ACOXL: variants seen among roughly 807,000 people sequenced by gnomAD.
The protein encoded by ACOXL is acyl-coenzyme A oxidase-like protein.
A neutral mutation model predicts 71.9 loss-of-function variants in ACOXL; 70 were observed. That is an observed-to-expected ratio of 0.97 (90% CI 0.80 to 1.19). The LOEUF is 1.19. Among genes scored for constraint, ACOXL ranks in the 50% most tolerant of loss-of-function variants. The pLI is 0.00. For synonymous variants in ACOXL, 253 were observed against 281.6 expected (o/e 0.90, Z 1.02); for missense variants, 703 against 736.3 (o/e 0.95, Z 0.52).
intron 1 of ACOXL, among the ~76,000 whole-genome samples, chr2:110,764,187 AC>A (rs1348763640): frequency 6.6e-6 from 1 of 152,214 alleles, no homozygotes; most frequent in Non-Finnish European, 1.5e-5. Flanking sequence ...TGGAAAACTT[AC>A]GTGCACACAG....
intron 17 of ACOXL, among the ~76,000 whole-genome samples, chr2:111,097,692 A>T (rs1323620301): frequency 6.6e-6 from 1 of 152,236 alleles, no homozygotes; most frequent in Non-Finnish European, 1.5e-5. Context: ...GCCAACTGAG[A>T]GAGCTCCTTC....
intron 10 of ACOXL, among the ~76,000 whole-genome samples, chr2:110,903,251 C>A (rs572598960): frequency 4.6e-5 from 7 of 152,354 alleles, no homozygotes; most frequent in Admixed American, 2.6e-4. Flanking sequence ...CGCGGCCCCC[C>A]CAGAGGCTGC....
intron 16 of ACOXL, among the ~76,000 whole-genome samples, chr2:111,088,509 TC>T (rs1232789446): frequency 6.6e-6 from 1 of 152,202 alleles, no homozygotes; most frequent in Non-Finnish European, 1.5e-5. Flanking sequence ...GAGCCCATTA[TC>T]CTTAACAAGC....
In ACOXL at chr2:111,003,550, C is replaced by CAAAAAAAAAAAAAAAAA. The variant is rs548001377; in HGVS notation, c.1281+7559_1281+7575dup. ...TGGGCGACAGGGCGAGACTCTGTCT[C>CAAAAAAAAAAAAAAAAA]AAAAAAAAAAAAAAAAAAAAAAAAA... On this transcript the variant is annotated intron_variant, in intron 14 of 17. Transcript: ENST00000439055. Among the ~76,000 whole-genome samples the CAAAAAAAAAAAAAAAAA allele has an allele frequency of 6.5e-4, 23 of 35,332 alleles. 2 individuals carry two copies. Among genetic ancestry groups the CAAAAAAAAAAAAAAAAA allele is most frequent in the East Asian group, 1.8e-3 (3 of 1,648 alleles). The allele number at this position is 35,332 out of a possible 152,430, so 23.2% of individuals were successfully genotyped here. A position where few individuals can be genotyped will look rare whatever the true frequency, so the allele number is the denominator to read the frequency against.
intron 12 of ACOXL, among the ~76,000 whole-genome samples, chr2:110,984,908 T>A (rs2062861367): frequency 6.6e-6 from 1 of 152,204 alleles, no homozygotes. Context: ...GCACTTGCTT[T>A]CCAGGCTGCC....
At chr2:110,755,478 A>G (rs188686361) in intron 1 of ACOXL, among the ~76,000 whole-genome samples, 5 of 152,378 alleles carry the variant, frequency 3.3e-5, no homozygotes, top group Non-Finnish European at 5.9e-5. Flanking sequence ...CAGAAAATAC[A>G]CAACTATGCA....
At chr2:110,980,451 A>G (rs764032379) in intron 12 of ACOXL, among the ~76,000 whole-genome samples, 2 of 152,178 alleles carry the variant, frequency 1.3e-5, no homozygotes, top group Admixed American at 6.5e-5. Context: ...AAGAGACCCC[A>G]AGAAGGGAGA....
intron 13 of ACOXL, among the ~76,000 whole-genome samples, chr2:110,990,124 C>G (rs1487483744): frequency 6.6e-6 from 1 of 152,138 alleles, no homozygotes; most frequent in Non-Finnish European, 1.5e-5. Context: ...TGCAAACCTG[C>G]TGAAAGTTTC....
At chr2:111,030,610 G>C (rs558008016) in intron 14 of ACOXL, among the ~76,000 whole-genome samples, 1 of 152,032 alleles carries the variant, frequency 6.6e-6, no homozygotes, top group African/African-American at 2.4e-5. Context: ...CGCAGAAACC[G>C]CAGAGCTGCA....
chr2:111,036,855 G>A (rs2065542206), intron 15 of ACOXL: 2 of 152,122 alleles, frequency 1.3e-5, no homozygotes, highest in Non-Finnish European at 1.5e-5. Context: ...GGAGGGAGGC[G>A]CCTGGTGAAA....
intron 1 of ACOXL, among the ~76,000 whole-genome samples, chr2:110,768,137 ATAATAT>A (rs1415743844): frequency 2.6e-5 from 4 of 152,122 alleles, no homozygotes; most frequent in African/African-American, 9.7e-5. Flanking sequence ...ATCTCAAATA[ATAATAT>A]TAATAAGAAG....
chr2:110,784,701 A>G (rs1287281049), intron 2 of ACOXL, 31 bp from the exon 3 acceptor site: 2 of 1,516,884 alleles, frequency 1.3e-6, no homozygotes, highest in Non-Finnish European at 1.8e-6. Context: ...ACCATAAGGA[A>G]ACCTTGATAC....
chr2:110,783,620 C>G (rs1301726202), intron 2 of ACOXL, among the ~76,000 whole-genome samples: 1 of 152,176 alleles, frequency 6.6e-6, no homozygotes, highest in Non-Finnish European at 1.5e-5. Context: ...CACAGACACA[C>G]ACACACACTT....
intron 9 of ACOXL, among the ~76,000 whole-genome samples, chr2:110,832,294 T>C (rs987350254): frequency 6.6e-6 from 1 of 151,978 alleles, no homozygotes; most frequent in Non-Finnish European, 1.5e-5. Context: ...ATCCCAGCAC[T>C]TTGGGAGGCC....
chr2:110,935,175 TG>T (rs1424857063), intron 12 of ACOXL, among the ~76,000 whole-genome samples: 1 of 152,096 alleles, frequency 6.6e-6, no homozygotes, highest in Non-Finnish European at 1.5e-5. Context: ...GGGGCACTGC[TG>T]GGGGCCCTGA....
chr2:110,809,088 A>G (rs1311917923), intron 9 of ACOXL, among the ~76,000 whole-genome samples: 1 of 152,160 alleles, frequency 6.6e-6, no homozygotes, highest in Non-Finnish European at 1.5e-5. Context: ...ACCAGCCCCC[A>G]CTGCCGGGTC....
chr2:111,025,254 C>T (rs1558882664), intron 14 of ACOXL, among the ~76,000 whole-genome samples: 1 of 152,144 alleles, frequency 6.6e-6, no homozygotes, highest in Non-Finnish European at 1.5e-5. Context: ...CGCACTGCTT[C>T]CCGTGTTGGC....
intron 12 of ACOXL, among the ~76,000 whole-genome samples, chr2:110,985,011 A>G (rs1206306377): frequency 1.3e-5 from 2 of 152,196 alleles, no homozygotes; most frequent in African/African-American, 2.4e-5. Flanking sequence ...AAGCTGTGGG[A>G]GTGGGAATCA....
At chr2:111,078,933 G>A (rs139860529) in intron 16 of ACOXL, among the ~76,000 whole-genome samples, 10 of 152,226 alleles carry the variant, frequency 6.6e-5, no homozygotes, top group East Asian at 1.9e-4. Context: ...TTCCAATGTC[G>A]GTTTGGCCCT....
Sources: gnomAD v4.1 joint callset for allele counts (sites outside exome capture counted in the v4.1 genomes callset) on GRCh38, gnomAD v4.1.1 for gene constraint, MANE v1.5 for transcripts, NCBI Gene and HGNC (gene_info 2026-07-23, HGNC 2026-07-21) for gene names.